RPH3A: variants seen among roughly 807,000 people sequenced by gnomAD.
RPH3A encodes rabphilin-3A.
A neutral mutation model predicts 102.2 loss-of-function variants in RPH3A; 48 were observed. The observed-to-expected ratio is 0.47, with a 90% confidence interval of 0.37 to 0.60. The LOEUF is 0.60. Ranked by LOEUF, RPH3A falls within the 20% of genes least tolerant of loss-of-function variation. The pLI is 0.00. For synonymous variants in RPH3A, 310 were observed against 324.3 expected (o/e 0.96, Z 0.47); for missense variants, 781 against 910.1 (o/e 0.86, Z 1.83).
At chr12:112,578,831 C>T (rs1479402372) in intron 1 of RPH3A, among the ~76,000 whole-genome samples, 1 of 152,118 alleles carries the variant, frequency 6.6e-6, no homozygotes. Flanking sequence ...GGAACACATG[C>T]TCCATCTATA....
chr12:112,836,445 A>T (rs2136169076), intron 3 of RPH3A, 46 bp from the exon 4 acceptor site: 2 of 1,227,636 alleles, frequency 1.6e-6, no homozygotes, highest in East Asian at 5.3e-5. Flanking sequence ...TTTCTTACCT[A>T]ACTTTATTCA....
chr12:112,883,409 G>A lies in RPH3A; in HGVS notation c.1436+7G>A, dbSNP rs1303756276. The A allele has an allele frequency of 6.2e-7, 1 of 1,605,770 alleles. No individual in the cohort carries two copies. ...TGCAAAGGAAGACCCTCAGGTACCT[G>A]GCAGGCAGAGGGCAGAGAGGGAGGC... On this transcript the variant is annotated splice_region_variant and intron_variant, in intron 16 of 21. Transcript: ENST00000389385.
chr12:112,863,349 G>A (rs142957995), intron 5 of RPH3A, among the ~76,000 whole-genome samples: 1,527 of 152,238 alleles, frequency 0.01, 20 homozygotes, highest in African/African-American at 0.035. Context: ...ACAGAGTCTC[G>A]TTCTGTCACC....
At chr12:112,656,886 A>G (rs1333779587) in intron 1 of RPH3A, among the ~76,000 whole-genome samples, 1 of 151,840 alleles carries the variant, frequency 6.6e-6, no homozygotes, top group African/African-American at 2.4e-5. Flanking sequence ...TGACTTTGCT[A>G]TTGTGAATAG....
intron 1 of RPH3A, among the ~76,000 whole-genome samples, chr12:112,638,494 A>T (rs1201091492): frequency 6.6e-6 from 1 of 152,174 alleles, no homozygotes; most frequent in African/African-American, 2.4e-5. Flanking sequence ...CCTATCTCTA[A>T]TCAACCCTTA....
At chr12:112,737,559 C>G (rs1160845754) in intron 1 of RPH3A, among the ~76,000 whole-genome samples, 1 of 152,154 alleles carries the variant, frequency 6.6e-6, no homozygotes, top group Admixed American at 6.5e-5. Flanking sequence ...CATGCCATGA[C>G]TTCCCATTTC....
At chr12:112,610,724 T>G (rs1460194713) in intron 1 of RPH3A, among the ~76,000 whole-genome samples, 1 of 152,016 alleles carries the variant, frequency 6.6e-6, no homozygotes, top group Non-Finnish European at 1.5e-5. Flanking sequence ...CTCCGTCTCC[T>G]GGGTTCATGC....
At chr12:112,884,968 T>C (rs535333602) in intron 16 of RPH3A, among the ~76,000 whole-genome samples, 4 of 152,350 alleles carry the variant, frequency 2.6e-5, no homozygotes, top group African/African-American at 9.6e-5. Flanking sequence ...TGAAATTTTA[T>C]TGTGTGGCTC....
intron 1 of RPH3A, among the ~76,000 whole-genome samples, chr12:112,611,493 C>T (rs797611): frequency 0.26 from 40,049 of 151,928 alleles, 6,173 homozygotes; most frequent in Admixed American, 0.33. Context: ...TTCGGGAGTA[C>T]AATGGCACAA....
intron 1 of RPH3A, among the ~76,000 whole-genome samples, chr12:112,589,463 G>C (rs1274471988): frequency 6.6e-6 from 1 of 152,062 alleles, no homozygotes; most frequent in African/African-American, 2.4e-5. Flanking sequence ...AACATGTCCT[G>C]CCTCAGGACC....
chr12:112,876,777 C>T lies in RPH3A; in HGVS notation c.1082C>T (p.Ala361Val). ...HPSGPYSQAS[A>V]AAPQPAAARQ... ...TCCGGACCCTATTCCCAAGCATCTG[C>T]AGCTGCCCCCCAGCCTGCTGCAGCC... Residue 361 changes from alanine to valine, a missense_variant, in exon 13 of 22, where the codon GCA becomes GTA. Coordinates refer to ENST00000389385, the MANE Select transcript of RPH3A (RefSeq NM_001143854.2). The T allele has an allele frequency of 1.2e-6, 2 of 1,611,696 alleles. No homozygotes were observed. The highest frequency in any genetic ancestry group is 1.3e-5 in the African/African-American group (1 of 74,966).
At position 112,687,303 on chromosome 12, in the gene RPH3A, A is replaced by G. The variant is rs11066382; in HGVS notation, c.-139-104840A>G. The stretch of plus-strand genomic sequence containing the variant: ...TTTTTATCTCTTCTCTAGCCTCTTC[A>G]GCATGCCTATATTTACCTTCGTGCT... On this transcript the variant is annotated intron_variant, in intron 1 of 21. Coordinates refer to the RPH3A transcript ENST00000543106. 1.9e-4 allele frequency among the ~76,000 whole-genome samples: 29 copies of G among 152,300 alleles called. 1 individual carries two copies. The East Asian group carries it at 4.6e-3, about 24-fold the overall frequency.
chr12:112,610,276 G>T (rs1356573785), intron 1 of RPH3A, among the ~76,000 whole-genome samples: 1 of 152,138 alleles, frequency 6.6e-6, no homozygotes, highest in Non-Finnish European at 1.5e-5. Context: ...GCCAAGCGAG[G>T]CAGATCACCT....
intron 1 of RPH3A, among the ~76,000 whole-genome samples, chr12:112,739,481 AG>A (rs1312919605): frequency 2.6e-5 from 4 of 152,172 alleles, no homozygotes; most frequent in African/African-American, 9.7e-5. Context: ...TGCCCTTAAC[AG>A]GGAACAATGC....
In RPH3A at chr12:112,585,564, G is replaced by A. The variant is rs189432185; in HGVS notation, c.-140+10245G>A. Among the ~76,000 whole-genome samples the A allele has an allele frequency of 1.2e-3, 179 of 152,162 alleles. 2 individuals carry two copies. Among genetic ancestry groups the A allele is most frequent in the Middle Eastern group, 3.4e-3 (1 of 294 alleles). Reference sequence around the variant, plus strand: ...AGCCTGGCCAACATGGTGAAACCCCGTCTCTACTAAAAATACAAAAATTTG... The same window carrying A: ...AGCCTGGCCAACATGGTGAAACCCCATCTCTACTAAAAATACAAAAATTTG... On this transcript the variant is annotated intron_variant, in intron 1 of 21. Coordinates refer to the RPH3A transcript ENST00000543106.
chr12:112,666,499 C>G (rs2040084231), intron 1 of RPH3A, among the ~76,000 whole-genome samples: 1 of 152,152 alleles, frequency 6.6e-6, no homozygotes, highest in Non-Finnish European at 1.5e-5. Flanking sequence ...TACAATCCAG[C>G]TGAGCAGTTG....
chr12:112,883,215 C>A, intron 15 of RPH3A, 78 bp from the exon 16 acceptor site: 1 of 1,111,074 alleles, frequency 9.0e-7, no homozygotes, highest in Non-Finnish European at 1.3e-6. Context: ...ACCCACCCCA[C>A]GTCAGCCCAA....
intron 2 of RPH3A, among the ~76,000 whole-genome samples, chr12:112,794,799 A>T (rs867513934): frequency 9.9e-5 from 15 of 152,142 alleles, no homozygotes; most frequent in Admixed American, 9.2e-4. Flanking sequence ...ACCCACCATT[A>T]TGAAGACCAA....
At chr12:112,842,949 C>T (rs546105055) in intron 4 of RPH3A, among the ~76,000 whole-genome samples, 1 of 152,178 alleles carries the variant, frequency 6.6e-6, no homozygotes, top group African/African-American at 2.4e-5. Context: ...AGTGTCAGAC[C>T]CAGGATTCCA....
Sources: gnomAD v4.1 joint callset for allele counts (sites outside exome capture counted in the v4.1 genomes callset) on GRCh38, gnomAD v4.1.1 for gene constraint, MANE v1.5 for transcripts, NCBI Gene and HGNC (gene_info 2026-07-23, HGNC 2026-07-21) for gene names.